The following NID1 variants were observed in gnomAD, a reference collection of about 807,000 sequenced individuals.
NID1 encodes nidogen 1, also known as nidogen-1.
In NID1, 76 loss-of-function variants were observed where a neutral mutation model predicts 130.6. The observed-to-expected ratio is 0.58, with a 90% CI of 0.48 to 0.70. The LOEUF (loss-of-function observed/expected upper bound fraction) is 0.70. Among genes scored for constraint, NID1 ranks in the 30% least tolerant of loss-of-function variants. The pLI is 0.00. For synonymous variants in NID1, 665 were observed against 675.1 expected, an observed-to-expected ratio of 0.98 and a Z score of 0.23; for missense variants, 1,517 against 1,664.8, an observed-to-expected ratio of 0.91 and a Z score of 1.54.
At chr1:236,013,349 C>G (rs1462628403) in intron 11 of NID1, 62 bp downstream of exon 11, 1 of 1,582,218 alleles carries the variant, frequency 6.3e-7, no homozygotes, top group Non-Finnish European at 8.6e-7. Context: ...TGGCACATGA[C>G]AGGTACCACC....
At chr1:236,049,283 C>T (rs1450916700) in intron 1 of NID1, among the ~76,000 whole-genome samples, 3 of 152,028 alleles carry the variant, frequency 2.0e-5, no homozygotes, top group African/African-American at 4.8e-5. Context: ...TGGTTAGGAG[C>T]CTGGGCATCA....
intron 12 of NID1, among the ~76,000 whole-genome samples, chr1:235,997,244 G>A (rs1375804616): frequency 2.0e-5 from 3 of 152,158 alleles, no homozygotes; most frequent in Non-Finnish European, 4.4e-5. Flanking sequence ...GGCTTTGTGG[G>A]CCATGAGGTC....
chr1:236,004,252 T>C (rs868302725), intron 12 of NID1, among the ~76,000 whole-genome samples: 5 of 152,014 alleles, frequency 3.3e-5, no homozygotes, highest in Non-Finnish European at 7.4e-5. Flanking sequence ...ACAAAATCCA[T>C]AGCCCATGGG....
chr1:236,029,800 T>G, intron 6 of NID1, 50 bp from the exon 7 acceptor site: 1 of 1,579,888 alleles, frequency 6.3e-7, no homozygotes, highest in South Asian at 1.1e-5. Flanking sequence ...AGCGCGCCCT[T>G]CTGCCCGCCC....
intron 4 of NID1, 116 bp from the exon 5 acceptor site, chr1:236,038,369 C>A: frequency 9.2e-7 from 1 of 1,089,624 alleles, no homozygotes; most frequent in Non-Finnish European, 1.3e-6. Context: ...ATGGGCAATT[C>A]AAGGGACCAG....
chr1:236,037,793 A>T (rs1426724264), intron 5 of NID1, among the ~76,000 whole-genome samples: 1 of 152,216 alleles, frequency 6.6e-6, no homozygotes, highest in Non-Finnish European at 1.5e-5. Flanking sequence ...CAGGCTGCAT[A>T]ATTTTAACAC....
At chr1:236,019,423 G>C (rs1343505022) in intron 9 of NID1, among the ~76,000 whole-genome samples, 1 of 152,244 alleles carries the variant, frequency 6.6e-6, no homozygotes, top group African/African-American at 2.4e-5. Flanking sequence ...CAAGAAGACA[G>C]AGCAAAATCA....
intron 9 of NID1, among the ~76,000 whole-genome samples, chr1:236,020,998 C>T (rs562331732): frequency 6.6e-6 from 1 of 152,276 alleles, no homozygotes; most frequent in South Asian, 2.1e-4. Flanking sequence ...AGCTCAGGCA[C>T]CAAGGGCAGA....
intron 5 of NID1, among the ~76,000 whole-genome samples, chr1:236,036,106 A>G (rs1659250328): frequency 6.6e-6 from 1 of 152,208 alleles, no homozygotes; most frequent in African/African-American, 2.4e-5. Flanking sequence ...TGGGGTAGAA[A>G]AGGCTAAGAG....
Position 236,017,269 on chromosome 1 carries a change from A to G in NID1, c.2133T>C (p.Ile711=), listed in dbSNP as rs1426809422. 6.2e-7 allele frequency: 1 copy of G among 1,613,970 alleles called. No individual in the cohort carries two copies. The highest frequency in any genetic ancestry group is 8.5e-7 in the Non-Finnish European group (1 of 1,179,948). Residue 711 remains isoleucine, a synonymous_variant, in exon 10 of 20, where the codon ATT becomes ATC. Transcript: ENST00000264187. The part of the protein sequence containing the change: ...FRGDGRTCYD[I]DECSEQPSVC... The stretch of plus-strand genomic sequence containing the variant: ...CTGAGGGTTGTTCTGAACATTCATC[A>G]ATATCTGCAGCAAAAATTTTTTTTT...
intron 5 of NID1, among the ~76,000 whole-genome samples, chr1:236,035,806 C>T (rs1659240180): frequency 6.6e-6 from 1 of 152,164 alleles, no homozygotes. Flanking sequence ...CACGTTGCAT[C>T]ATTACTCCGG....
At chr1:236,035,691 G>A (rs1358149940) in intron 5 of NID1, among the ~76,000 whole-genome samples, 1 of 152,180 alleles carries the variant, frequency 6.6e-6, no homozygotes, top group Non-Finnish European at 1.5e-5. Flanking sequence ...CTGCCATCCG[G>A]GGATCAGCTG....
intron 10 of NID1, among the ~76,000 whole-genome samples, chr1:236,016,293 A>G (rs1658592257): frequency 6.6e-6 from 1 of 151,998 alleles, no homozygotes; most frequent in African/African-American, 2.4e-5. Flanking sequence ...TCAAGACACC[A>G]CCTCACCCCA....
At chr1:236,026,275 C>T (rs1457300693) in intron 7 of NID1, 134 bp from the exon 8 acceptor site, 1 of 1,055,458 alleles carries the variant, frequency 9.5e-7, no homozygotes, top group African/African-American at 1.6e-5. Flanking sequence ...GATGACAGAC[C>T]AGACAGAACA....
intron 12 of NID1, among the ~76,000 whole-genome samples, chr1:236,007,550 CTGT>C (rs1411228951): frequency 6.6e-6 from 1 of 152,194 alleles, no homozygotes; most frequent in Non-Finnish European, 1.5e-5. Context: ...TTATAAAAGA[CTGT>C]GGCTTCCATC....
At position 235,985,394 on chromosome 1, in the gene NID1, T is replaced by G; in HGVS notation, c.3040A>C (p.Thr1014Pro). ...GCTTACTTACCTTGTCTAATGATGG[T>G]GGTTGGCTCTCCACCATGTAGACTA... ...RASLHGGEPTTIIRQDLGSPE... is the reference protein window; with the variant it reads ...RASLHGGEPTPIIRQDLGSPE... Residue 1014 changes from threonine to proline, a missense_variant, in exon 15 of 20, where the codon ACC becomes CCC. Coordinates refer to ENST00000264187, the MANE Select transcript of NID1 (RefSeq NM_002508.3). 6.2e-7 allele frequency: 1 copy of G among 1,614,016 alleles called. No homozygotes were observed. The highest frequency in any genetic ancestry group is 8.5e-7 in the Non-Finnish European group (1 of 1,179,964).
At position 236,013,502 on chromosome 1, in the gene NID1, T is replaced by C. The variant is rs780567489; in HGVS notation, c.2313A>G (p.Ile771Met). 1 of 1,611,692 alleles carries C rather than the reference T, an allele frequency of 6.2e-7. No individual in the cohort carries two copies. Among genetic ancestry groups the C allele is most frequent in the Non-Finnish European group, 8.5e-7 (1 of 1,179,172 alleles). The change falls in exon 11 of 20, where the codon ATA becomes ATG. Residue 771 changes from isoleucine to methionine, a missense_variant. By Grantham distance (10) the Ile-to-Met change is conservative. Coordinates refer to ENST00000264187, the MANE Select transcript of NID1 (RefSeq NM_002508.3). ...YCETGLHNCD[I>M]PQRAQCIYTG... ...TGTAGATACACTGGGCCCGCTGGGG[T>C]ATGTCGCAGTTATGAAGGCCAGTTT... is the stretch of plus-strand genomic sequence containing the variant.
intron 14 of NID1, among the ~76,000 whole-genome samples, chr1:235,989,627 T>C (rs927688355): frequency 5.3e-5 from 8 of 152,192 alleles, no homozygotes; most frequent in African/African-American, 1.9e-4. Context: ...ACAACACAAA[T>C]ATGGGTATTT....
intron 12 of NID1, among the ~76,000 whole-genome samples, chr1:236,007,672 C>T (rs112094363): frequency 0.022 from 3,407 of 152,184 alleles, 44 homozygotes; most frequent in Middle Eastern, 0.034. Context: ...AGACCCATGT[C>T]GCGAGGAACT....
Sources: gnomAD v4.1 joint callset for allele counts (sites outside exome capture counted in the v4.1 genomes callset) on GRCh38, gnomAD v4.1.1 for gene constraint, MANE v1.5 for transcripts, NCBI Gene and HGNC (gene_info 2026-07-23, HGNC 2026-07-21) for gene names.